Variants in CYP3A43 observed in about 807,000 individuals in gnomAD.
CYP3A43 encodes the protein cytochrome P450 family 3 subfamily A member 43, also known as cytochrome P450 3A43.
Under a neutral mutation model 58.0 loss-of-function variants are expected in CYP3A43, and 45 were observed. The ratio of observed to expected loss-of-function variants is 0.78; its 90% CI spans 0.61 to 0.99. CYP3A43 has a LOEUF of 0.99. CYP3A43 is among the 50% of genes least tolerant of loss of function. The pLI, the probability that CYP3A43 is intolerant of heterozygous loss-of-function variation, is 0.00. For missense variants in CYP3A43, 593 were observed against 591.9 expected (o/e 1.00, Z -0.02); for synonymous variants, 191 against 201.4 (o/e 0.95, Z 0.44).
chr7:99,838,670 C>T (rs745886217), intron 2 of CYP3A43: 101 of 1,288,192 alleles, frequency 7.8e-5, no homozygotes, highest in Non-Finnish European at 9.9e-5. Flanking sequence ...CTCTCCTTTT[C>T]CTTAAGAGGT....
At chr7:99,853,718 G>A (rs973710861) in intron 7 of CYP3A43, among the ~76,000 whole-genome samples, 22 of 152,078 alleles carry the variant, frequency 1.4e-4, no homozygotes, top group African/African-American at 4.6e-4. Flanking sequence ...TACTATGCCC[G>A]GCTAATTTTT....
chr7:99,863,461 C>T (rs1216291740), intron 11 of CYP3A43, 76 bp from the exon 12 acceptor site: 1 of 1,324,674 alleles, frequency 7.5e-7, no homozygotes, highest in Non-Finnish European at 1.0e-6. Flanking sequence ...CAAAAGCCAC[C>T]ACACCCTGCA....
At chr7:99,864,355 C>T (rs908727358) in intron 12 of CYP3A43, among the ~76,000 whole-genome samples, 4 of 148,870 alleles carry the variant, frequency 2.7e-5, no homozygotes, top group Non-Finnish European at 5.9e-5. Flanking sequence ...CACTGCTTCG[C>T]TGCTTCATAC....
intron 2 of CYP3A43, among the ~76,000 whole-genome samples, chr7:99,838,026 A>C (rs921900866): frequency 6.6e-6 from 1 of 152,186 alleles, no homozygotes; most frequent in African/African-American, 2.4e-5. Flanking sequence ...TTCTCTTCAT[A>C]TTTCCCAGAT....
rs756810526 is a variant in CYP3A43 at position 99,855,626 on chromosome 7, C to G, written c.706C>G (p.Leu236Val). The G allele has an allele frequency of 1.9e-6, 3 of 1,613,012 alleles. No homozygotes were observed. Among genetic ancestry groups the G allele is most frequent in the Non-Finnish European group, 2.5e-6 (3 of 1,179,638 alleles). The stretch of plus-strand genomic sequence containing the variant: ...ATTTCTTACCCCAGTTTTTGAAGCC[C>G]TAAATATCGGTTTGTTTCCAAAAGA... ...FPFLTPVFEA[L>V]NIGLFPKDVT... The change falls in exon 8 of 13, where the codon CTA (leucine) becomes GTA (valine). Residue 236 changes from leucine to valine, a missense_variant. Transcript: ENST00000354829.
intron 3 of CYP3A43, among the ~76,000 whole-genome samples, chr7:99,840,762 C>T (rs1244823777): frequency 6.6e-6 from 1 of 152,198 alleles, no homozygotes; most frequent in Non-Finnish European, 1.5e-5. Flanking sequence ...AGCTTTGACT[C>T]AATAAACCTC....
intron 1 of CYP3A43, among the ~76,000 whole-genome samples, chr7:99,828,963 C>G (rs769415899): frequency 7.9e-5 from 12 of 152,226 alleles, no homozygotes; most frequent in Non-Finnish European, 1.8e-4. Context: ...GACTTTATCT[C>G]CACAATAAAA....
intron 5 of CYP3A43, 58 bp downstream of exon 5, chr7:99,847,659 A>G: frequency 1.2e-6 from 2 of 1,602,982 alleles, no homozygotes; most frequent in Non-Finnish European, 1.7e-6. Context: ...GGAGACAGGT[A>G]GTAAGTATCA....
chr7:99,830,583 T>G (rs1384314766), intron 1 of CYP3A43, among the ~76,000 whole-genome samples: 2 of 152,196 alleles, frequency 1.3e-5, no homozygotes, highest in Non-Finnish European at 2.9e-5. Flanking sequence ...TGATAATACT[T>G]GTTCTTTGGA....
chr7:99,828,147 C>T lies in CYP3A43; in HGVS notation c.32C>T (p.Thr11Ile), dbSNP rs1445890096. Residue 11 changes from threonine (T) to isoleucine (I), a missense_variant, in exon 1 of 13, where the codon ACA (threonine) becomes ATA (isoleucine). Transcript: ENST00000354829. MDLIPNFAME[T>I]WVLVATSLVL... Reference sequence around the variant, plus strand: ...CTCATTCCAAACTTTGCCATGGAAACATGGGTTCTTGTGGCTACCAGCCTG... The same window carrying T: ...CTCATTCCAAACTTTGCCATGGAAATATGGGTTCTTGTGGCTACCAGCCTG... The T allele has an allele frequency of 3.7e-6, 6 of 1,612,982 alleles. No individual in the cohort carries two copies. The highest frequency in any genetic ancestry group is 3.3e-5 in the Admixed American group (2 of 59,996).
chr7:99,863,809 A>C, intron 12 of CYP3A43, 110 bp downstream of exon 12: 1 of 895,804 alleles, frequency 1.1e-6, no homozygotes, highest in Non-Finnish European at 1.6e-6. Context: ...TGTAGGACAA[A>C]GAATCTAATT....
intron 11 of CYP3A43, among the ~76,000 whole-genome samples, chr7:99,862,481 C>G (rs1818276122): frequency 6.6e-6 from 1 of 152,172 alleles, no homozygotes; most frequent in Non-Finnish European, 1.5e-5. Flanking sequence ...TGCCGGCTCC[C>G]TTGTACTCTC....
chr7:99,855,833 G>T, intron 8 of CYP3A43, 115 bp downstream of exon 8: 1 of 1,184,308 alleles, frequency 8.4e-7, no homozygotes, highest in Non-Finnish European at 1.2e-6. Flanking sequence ...GAGAACTTTA[G>T]ACCAAGAGGG....
intron 2 of CYP3A43, chr7:99,838,692 A>T (rs1817192483): frequency 7.8e-7 from 1 of 1,288,800 alleles, no homozygotes; most frequent in African/African-American, 1.5e-5. Flanking sequence ...TCTGAATAAG[A>T]TTCCCAGCTG....
At chr7:99,836,758 A>C (rs983900479) in intron 2 of CYP3A43, among the ~76,000 whole-genome samples, 1 of 152,154 alleles carries the variant, frequency 6.6e-6, no homozygotes, top group African/African-American at 2.4e-5. Context: ...TGCACGGCAC[A>C]GATATCTGGG....
chr7:99,847,074 T>G (rs1284277131), intron 4 of CYP3A43, among the ~76,000 whole-genome samples: 3 of 152,194 alleles, frequency 2.0e-5, no homozygotes, highest in Admixed American at 2.0e-4. Flanking sequence ...ATAGGTGTAT[T>G]AAAGACACAG....
intron 3 of CYP3A43, among the ~76,000 whole-genome samples, chr7:99,840,201 TCA>T (rs1163147501): frequency 6.6e-6 from 1 of 152,190 alleles, no homozygotes; most frequent in African/African-American, 2.4e-5. Flanking sequence ...CCCTTTGCCC[TCA>T]CTATCTGCCT....
chr7:99,863,427 G>A, intron 11 of CYP3A43, 110 bp from the exon 12 acceptor site: 1 of 784,940 alleles, frequency 1.3e-6, no homozygotes, highest in Non-Finnish European at 1.8e-6. Context: ...AACACTTTGG[G>A]AGGCCAAGGA....
intron 6 of CYP3A43, among the ~76,000 whole-genome samples, chr7:99,848,524 T>C (rs895333139): frequency 1.3e-5 from 2 of 152,182 alleles, no homozygotes; most frequent in Non-Finnish European, 2.9e-5. Context: ...TAATACATTG[T>C]GTAGAAAGAA....
Sources: gnomAD v4.1 joint callset for allele counts (sites outside exome capture counted in the v4.1 genomes callset) on GRCh38, gnomAD v4.1.1 for gene constraint, MANE v1.5 for transcripts, NCBI Gene and HGNC (gene_info 2026-07-23, HGNC 2026-07-21) for gene names.